The following NR6A1 variants were observed in gnomAD, a reference collection of about 807,000 sequenced individuals.
NR6A1 encodes the protein retinoic acid receptor-related testis-associated receptor.
NR6A1 carries 7 observed loss-of-function variants against 59.1 expected under a neutral mutation model. That is an observed-to-expected ratio of 0.12 (90% CI 0.07 to 0.22). The LOEUF (loss-of-function observed/expected upper bound fraction) is 0.22, where lower values mean the gene tolerates loss of function less well. Ranked by LOEUF, NR6A1 falls within the 10% of genes least tolerant of loss-of-function variation. NR6A1 has a pLI of 1.00. For missense variants in NR6A1, 468 were observed against 611.6 expected, an observed-to-expected ratio of 0.77 and a Z score of 2.48; for synonymous variants, 243 against 236.1, an observed-to-expected ratio of 1.03 and a Z score of -0.27.
At chr9:124,765,998 C>T (rs1029005599) in intron 1 of NR6A1, among the ~76,000 whole-genome samples, 13 of 152,074 alleles carry the variant, frequency 8.5e-5, no homozygotes, top group African/African-American at 3.1e-4. Flanking sequence ...TTCTTAAAGA[C>T]AAGCCATGTT....
At chr9:124,713,283 C>T (rs1432105196) in intron 2 of NR6A1, among the ~76,000 whole-genome samples, 1 of 151,358 alleles carries the variant, frequency 6.6e-6, no homozygotes, top group African/African-American at 2.4e-5. Context: ...AACATAAGCC[C>T]TAAACTATAA....
chr9:124,651,034 A>C (rs1290135118), intron 2 of NR6A1, among the ~76,000 whole-genome samples: 1 of 152,064 alleles, frequency 6.6e-6, no homozygotes, highest in Non-Finnish European at 1.5e-5. Flanking sequence ...AGCAAACAAC[A>C]ATCTGAATTG....
chr9:124,769,583 C>G (rs760730466), intron 1 of NR6A1, among the ~76,000 whole-genome samples: 3 of 152,196 alleles, frequency 2.0e-5, no homozygotes, highest in Non-Finnish European at 4.4e-5. Flanking sequence ...TCCTAACTGT[C>G]CCGGGTGTTT....
Position 124,689,907 on chromosome 9 carries a change from C to T in NR6A1, c.142+43401G>A, listed in dbSNP as rs191464860. 3.3e-3 allele frequency among the ~76,000 whole-genome samples: 495 copies of T among 152,254 alleles called. 10 individuals are homozygous for T. The highest frequency in any genetic ancestry group is 1.0e-3 in the Non-Finnish European group (68 of 68,020). ...TCCTCTTTGTCATCAGTTATATTTACGTGTAGCTCCCTAGTCAGATAGTGG... is the reference window on the plus strand; with the variant it reads ...TCCTCTTTGTCATCAGTTATATTTATGTGTAGCTCCCTAGTCAGATAGTGG... On this transcript the variant is annotated intron_variant, in intron 2 of 9. Coordinates refer to ENST00000487099, the MANE Select transcript of NR6A1 (RefSeq NM_033334.4).
chr9:124,763,601 T>C (rs1195419279), intron 1 of NR6A1, among the ~76,000 whole-genome samples: 1 of 152,118 alleles, frequency 6.6e-6, no homozygotes, highest in Non-Finnish European at 1.5e-5. Context: ...TGACAGAAAA[T>C]ACAATTGAGT....
chr9:124,703,176 A>C (rs537635429), intron 2 of NR6A1, among the ~76,000 whole-genome samples: 4 of 147,018 alleles, frequency 2.7e-5, no homozygotes, highest in Non-Finnish European at 4.5e-5. Flanking sequence ...AAGTGCTGAG[A>C]TTACAGGCGT....
chr9:124,577,284 A>C (rs892291257), intron 2 of NR6A1, among the ~76,000 whole-genome samples: 1 of 152,186 alleles, frequency 6.6e-6, no homozygotes. Context: ...TTCCCACACA[A>C]AAAAATTCTT....
intron 2 of NR6A1, among the ~76,000 whole-genome samples, chr9:124,718,438 C>T (rs879814455): frequency 1.3e-5 from 2 of 152,152 alleles, no homozygotes; most frequent in Non-Finnish European, 2.9e-5. Flanking sequence ...TACTTGAGGA[C>T]TCTGATTCCC....
intron 1 of NR6A1, among the ~76,000 whole-genome samples, chr9:124,749,697 A>G (rs1840440148): frequency 6.6e-6 from 1 of 152,210 alleles, no homozygotes; most frequent in African/African-American, 2.4e-5. Context: ...AGTAGCTGGA[A>G]CTATAGATGC....
At chr9:124,620,679 A>C (rs1004805412) in intron 2 of NR6A1, among the ~76,000 whole-genome samples, 1 of 152,218 alleles carries the variant, frequency 6.6e-6, no homozygotes, top group Non-Finnish European at 1.5e-5. Flanking sequence ...AAGGGCAGAA[A>C]GGTCCTTATT....
At chr9:124,646,810 C>T (rs1377820790) in intron 2 of NR6A1, among the ~76,000 whole-genome samples, 1 of 152,068 alleles carries the variant, frequency 6.6e-6, no homozygotes, top group Non-Finnish European at 1.5e-5. Context: ...CACAATCTGC[C>T]AAAACACATA....
At chr9:124,586,546 A>C (rs1452031033) in intron 2 of NR6A1, among the ~76,000 whole-genome samples, 1 of 152,100 alleles carries the variant, frequency 6.6e-6, no homozygotes, top group East Asian at 1.9e-4. Context: ...CCTGGGCTCA[A>C]GCAATCCTCC....
intron 1 of NR6A1, among the ~76,000 whole-genome samples, chr9:124,754,550 C>T (rs2131180687): frequency 6.6e-6 from 1 of 151,972 alleles, no homozygotes; most frequent in East Asian, 1.9e-4. Context: ...GTCTGGGCTG[C>T]AGGGCATGGG....
intron 1 of NR6A1, among the ~76,000 whole-genome samples, chr9:124,739,759 T>C (rs994980031): frequency 2.5e-4 from 38 of 152,226 alleles, no homozygotes; most frequent in Non-Finnish European, 4.1e-4. Flanking sequence ...TGACAGAAAC[T>C]TAAATAAACT....
At chr9:124,627,520 T>C (rs1836280463) in intron 2 of NR6A1, among the ~76,000 whole-genome samples, 1 of 152,182 alleles carries the variant, frequency 6.6e-6, no homozygotes, top group Admixed American at 6.6e-5. Context: ...GCAACTTGAT[T>C]CTAGCAAAAG....
intron 7 of NR6A1, among the ~76,000 whole-genome samples, chr9:124,533,635 A>G (rs1297153597): frequency 2.7e-5 from 4 of 150,562 alleles, no homozygotes; most frequent in African/African-American, 9.7e-5. Context: ...CCCCTCTCCA[A>G]CTTTCATGGA....
rs565559886 is a variant in NR6A1, at chr9:124,766,198, G to GT, written c.100+4821dup. Among the ~76,000 whole-genome samples the GT allele has an allele frequency of 1.8e-4, 28 of 152,256 alleles. No homozygotes were observed. In the East Asian group the frequency reaches 5.2e-3, roughly 28 times the overall value. On this transcript the variant is annotated intron_variant, in intron 1 of 9. Transcript: ENST00000487099. ...TTCTTGCTCATTTTTAATAATTCTG[G>GT]TATTTCTGAACCCTAGTTATCGAAG...
intron 2 of NR6A1, among the ~76,000 whole-genome samples, chr9:124,706,944 G>A (rs947997621): frequency 3.3e-5 from 5 of 151,578 alleles, no homozygotes; most frequent in Non-Finnish European, 5.9e-5. Context: ...TTTTTTTCTC[G>A]TTGCTTTCAA....
chr9:124,526,514 T>G (rs1002774184), intron 8 of NR6A1, among the ~76,000 whole-genome samples: 1 of 151,968 alleles, frequency 6.6e-6, no homozygotes, highest in African/African-American at 2.4e-5. Flanking sequence ...ACAAAGCGAA[T>G]CCTCTTCCTT....
Sources: allele counts gnomAD v4.1 joint callset (sites outside exome capture counted in the v4.1 genomes callset), GRCh38; gene constraint gnomAD v4.1.1; transcripts MANE v1.5; gene names NCBI Gene and HGNC (gene_info 2026-07-23, HGNC 2026-07-21).